The following PLCD3 variants were observed in gnomAD, a reference collection of about 807,000 sequenced individuals.
PLCD3 encodes the protein phospholipase C delta 3, also known as 1-phosphatidylinositol 4,5-bisphosphate phosphodiesterase delta-3.
PLCD3 carries 62 observed loss-of-function variants against 82.8 expected under a neutral mutation model. The observed-to-expected ratio is 0.75, with a 90% CI of 0.61 to 0.93. The LOEUF is 0.93. PLCD3 is among the 40% of genes least tolerant of loss of function. The pLI is 0.00. For missense variants in PLCD3, 1,023 were observed against 1,103.4 expected (o/e 0.93, Z 1.03); for synonymous variants, 478 against 471.8 (o/e 1.01, Z -0.17).
At chr17:45,128,342 G>C (rs1452795403) in intron 1 of PLCD3, among the ~76,000 whole-genome samples, 1 of 152,250 alleles carries the variant, frequency 6.6e-6, no homozygotes, top group Non-Finnish European at 1.5e-5. Flanking sequence ...GTAGGGGACA[G>C]GGAAAGATGT....
Position 45,112,865 on chromosome 17 carries a change from T to A in PLCD3, c.2279A>T (p.Gln760Leu). ...CATCCCCACCAGCCTCCACCAACCT[T>A]GCTTTAGGCTGCTAAGAGGCAGTGT... ...QFTLPLSSLK[Q>L]GYRHIHLLSK... The change falls in exon 14 of 15, where the codon CAA becomes CTA. Residue 760 changes from glutamine to leucine, a missense_variant and splice_region_variant. Physicochemically the swap from Gln to Leu is moderately radical, Grantham distance 113. Around this residue, in one of 3 missense-constraint regions of PLCD3, gnomAD observed 553 missense variants for 655.7 expected, o/e 0.84. Transcript: ENST00000619929. 1 of 1,612,130 alleles carries A rather than the reference T, an allele frequency of 6.2e-7. No individual in the cohort carries two copies. The highest frequency in any genetic ancestry group is 8.5e-7 in the Non-Finnish European group (1 of 1,179,150).
In PLCD3 at chr17:45,118,910, G is replaced by T. The variant is rs755595318; in HGVS notation, c.818C>A (p.Pro273His). ...YSGEDRVLSAPELLEFLEDQG... is the reference protein window; with the variant it reads ...YSGEDRVLSAHELLEFLEDQG... ...GTCCTCCAGGAACTCCAGCAGCTCA[G>T]GGGCACTCAGCACGCGGTCCTCGCC... Residue 273 changes from proline (P) to histidine (H), a missense_variant, in exon 5 of 15, where the codon CCT becomes CAT. Coordinates refer to ENST00000619929, the MANE Select transcript of PLCD3 (RefSeq NM_133373.5). The surrounding 1 kb of genome is among the most constrained non-coding windows in gnomAD (Gnocchi z 4.1). 2 of 1,612,718 alleles carry T rather than the reference G, an allele frequency of 1.2e-6. No individual in the cohort carries two copies. The highest frequency in any genetic ancestry group is 1.7e-5 in the Admixed American group (1 of 59,988).
At chr17:45,128,356 GGGGACCACAGGGCC>G (rs1392934614) in intron 1 of PLCD3, among the ~76,000 whole-genome samples, 2 of 152,202 alleles carry the variant, frequency 1.3e-5, no homozygotes, top group African/African-American at 4.8e-5. Context: ...AAGATGTGAG[GGGGACCACAGGGCC>G]TGGCAGAGCC....
chr17:45,116,707 G>A lies in PLCD3; in HGVS notation c.1338C>T (p.Leu446=), dbSNP rs1567878972. 51 of 1,611,612 alleles carry A rather than the reference G, an allele frequency of 3.2e-5. No homozygotes were observed. Among genetic ancestry groups the A allele is most frequent in the Non-Finnish European group, 4.1e-5 (48 of 1,178,650 alleles). ...LEQQAAMARH[L]CTILGDMLVT... ...CCAGCATGTCCCCCAGGATGGTGCA[G>A]AGGTGGCGGGCCATGGCAGCCTGCT... Residue 446 remains leucine (L), a synonymous_variant, in exon 8 of 15, where the codon CTC becomes CTT. Transcript: ENST00000619929.
chr17:45,115,316 T>TCCCCCCCCCCCCCCCCCCCCCCCCC, intron 9 of PLCD3, 28 bp downstream of exon 9: 1 of 1,474,956 alleles, frequency 6.8e-7, no homozygotes, highest in South Asian at 1.2e-5. Flanking sequence ...TTCCCCCCCT[T>TCCCCCCCCCCCCCCCCCCCCCCCCC]CCCCACCCCA....
intron 1 of PLCD3, among the ~76,000 whole-genome samples, chr17:45,130,793 C>G (rs1397384982): frequency 1.3e-5 from 2 of 152,108 alleles, no homozygotes; most frequent in East Asian, 3.9e-4. Context: ...AGATAAAGTC[C>G]ATGACTCTCC....
At chr17:45,113,064 C>T in intron 13 of PLCD3, 52 bp from the exon 14 acceptor site, 1 of 1,607,290 alleles carries the variant, frequency 6.2e-7, no homozygotes, top group African/African-American at 1.3e-5. Flanking sequence ...ACCCACCCTG[C>T]ACCACCCTTC....
intron 4 of PLCD3, among the ~76,000 whole-genome samples, chr17:45,119,482 C>T (rs984289382): frequency 2.0e-5 from 3 of 152,170 alleles, no homozygotes; most frequent in South Asian, 2.1e-4. Flanking sequence ...GCAATCCTCC[C>T]GCCTAGGCCT....
Position 45,115,173 on chromosome 17 carries a change from G to T in PLCD3, c.1632C>A (p.His544Gln), listed in dbSNP as rs760260268. 1.9e-6 allele frequency: 3 copies of T among 1,596,024 alleles called. No individual in the cohort carries two copies. The highest frequency in any genetic ancestry group is 2.6e-6 in the Non-Finnish European group (3 of 1,171,468). Residue 544 changes from histidine (H) to glutamine (Q), a missense_variant, in exon 10 of 15, where the codon CAC (histidine) becomes CAA (glutamine). Coordinates refer to ENST00000619929, the MANE Select transcript of PLCD3 (RefSeq NM_133373.5). ...YCHATRLRTL[H>Q]PAPNAPQPCQ... Reference sequence around the variant, plus strand: ...AGGGTTGTGGGGCGTTGGGGGCAGGGTGCAGGGTCCGCAGGCGGGTGGCGT... The same window carrying T: ...AGGGTTGTGGGGCGTTGGGGGCAGGTTGCAGGGTCCGCAGGCGGGTGGCGT...
intron 4 of PLCD3, 118 bp downstream of exon 4, chr17:45,120,207 C>T (rs1330643082): frequency 1.1e-5 from 15 of 1,384,012 alleles, no homozygotes; most frequent in Admixed American, 2.1e-5. Flanking sequence ...AAAGGCTGCT[C>T]GCTCCAAAAA....
At position 45,132,253 on chromosome 17, in the gene PLCD3, T is replaced by C; in HGVS notation, c.158A>G (p.Lys53Arg). The C allele has an allele frequency of 7.8e-7, 1 of 1,274,864 alleles. No homozygotes were observed. The highest frequency in any genetic ancestry group is 9.9e-7 in the Non-Finnish European group (1 of 1,009,830). 79.0% of individuals were successfully genotyped at this position (1,274,864 alleles called of 1,614,324 possible). The change falls in exon 1 of 15, where the codon AAG becomes AGG. Residue 53 changes from lysine (K) to arginine (R), a missense_variant. Lys to Arg is a conservative substitution (Grantham distance 26, BLOSUM62 2). Around this residue, in one of 3 missense-constraint regions of PLCD3, gnomAD observed 448 missense variants for 406.3 expected, o/e 1.10. Coordinates refer to ENST00000619929, the MANE Select transcript of PLCD3 (RefSeq NM_133373.5). This position sits in a 1 kb window ranked among gnomAD's most constrained non-coding sequence, Gnocchi z 4.6. ...GCCCCTTGCCCGTCACTGACCCATC[T>C]TCTTCAGCGCCCGCAGCCCGGGCCT... is the stretch of plus-strand genomic sequence containing the variant. ...TKRPGLRALK[K>R]MGLTEDEDVR...
chr17:45,122,014 G>A (rs2054345651), intron 1 of PLCD3, among the ~76,000 whole-genome samples: 1 of 151,458 alleles, frequency 6.6e-6, no homozygotes, highest in African/African-American at 2.4e-5. Context: ...ATGGCTTCCA[G>A]CCTTCAAGTC....
Position 45,111,143 on chromosome 17 carries a change from C to T in PLCD3, c.*1473G>A, listed in dbSNP as rs778092177. 6 of 152,236 alleles carry T rather than the reference C, an allele frequency of 3.9e-5. No homozygotes were observed. Among genetic ancestry groups the T allele is most frequent in the South Asian group, 2.1e-4 (1 of 4,836 alleles). 9.4% of individuals were successfully genotyped at this position (152,236 alleles called of 1,614,324 possible). A position where few individuals can be genotyped will look rare whatever the true frequency, so the allele number is the denominator to read the frequency against. ...GTGCAGGATTTTCTCCAGATTCTGT[C>T]GCCTAGTGTCCAGTGCGCTCTCCTG... On this transcript the variant is annotated 3_prime_UTR_variant, in exon 15 of 15. Coordinates refer to ENST00000619929, the MANE Select transcript of PLCD3 (RefSeq NM_133373.5).
At chr17:45,125,749 A>T (rs146754666) in intron 1 of PLCD3, among the ~76,000 whole-genome samples, 1 of 152,378 alleles carries the variant, frequency 6.6e-6, no homozygotes, top group African/African-American at 2.4e-5. Flanking sequence ...TGAAAACATC[A>T]TGCTAAGTGA....
In PLCD3 at chr17:45,115,417, G is replaced by C. The variant is rs202232138; in HGVS notation, c.1487C>G (p.Ser496Trp). 3.7e-6 allele frequency: 6 copies of C among 1,609,552 alleles called. No individual in the cohort carries two copies. Among genetic ancestry groups the C allele is most frequent in the Non-Finnish European group, 5.1e-6 (6 of 1,178,772 alleles). The change falls in exon 9 of 15, where the codon TCG becomes TGG. Residue 496 changes from serine (S) to tryptophan (W), a missense_variant. Physicochemically the swap from Ser to Trp is radical, Grantham distance 177 (BLOSUM62 -3). This residue lies in a region of PLCD3 where 553 missense variants were observed against 655.7 expected (regional missense o/e 0.84). Transcript: ENST00000619929. ...ATCCTCCTCCTCCTCCTCCCGATCC[G>C]ACAGAGCCCGGCCATCCTCGCTCCG... ...AARSEDGRAL[S>W]DREEEEEDDE...
Position 45,120,909 on chromosome 17 carries a change from G to A in PLCD3, c.547C>T (p.Leu183=), listed in dbSNP as rs2054331824. Residue 183 remains leucine (L), a synonymous_variant, in exon 3 of 15, where the codon CTA becomes TTA. Coordinates refer to ENST00000619929, the MANE Select transcript of PLCD3 (RefSeq NM_133373.5). The part of the protein sequence containing the change: ...RLDAMSQRER[L]DHWIHSYLHR... ...CCAGCCCCGGCAGGATATTGGTCTA[G>A]CCGCTCGCGCTGGCTCATGGCGTCC... is the stretch of plus-strand genomic sequence containing the variant. The A allele has an allele frequency of 7.0e-7, 1 of 1,436,982 alleles. No homozygotes were observed. The highest frequency in any genetic ancestry group is 9.1e-7 in the Non-Finnish European group (1 of 1,101,188). The allele number at this position is 1,436,982 out of a possible 1,614,324, so 89.0% of individuals were successfully genotyped here. A position where few individuals can be genotyped will look rare whatever the true frequency, so the allele number is the denominator to read the frequency against.
Position 45,113,616 on chromosome 17 carries a change from A to G in PLCD3, c.1829-11T>C, listed in dbSNP as rs2054267138. On this transcript the variant is annotated splice_polypyrimidine_tract_variant and intron_variant, in intron 11 of 14. Transcript: ENST00000619929. ...GGAAGTTCAAGGCCACTGTGGACACAGCAGGGTCAGAGCAGGGGCTCTTAG... is the reference window on the plus strand; with the variant it reads ...GGAAGTTCAAGGCCACTGTGGACACGGCAGGGTCAGAGCAGGGGCTCTTAG... 1 of 1,553,500 alleles carries G rather than the reference A, an allele frequency of 6.4e-7. No individual in the cohort carries two copies. Among genetic ancestry groups the G allele is most frequent in the African/African-American group, 1.4e-5 (1 of 73,128 alleles).
Position 45,132,483 on chromosome 17 carries a change from C to G in PLCD3, c.-73G>C, listed in dbSNP as rs996418591. On this transcript the variant is annotated 5_prime_UTR_variant, in exon 1 of 15. Coordinates refer to ENST00000619929, the MANE Select transcript of PLCD3 (RefSeq NM_133373.5). This position sits in a 1 kb window ranked among gnomAD's most constrained non-coding sequence, Gnocchi z 4.6. ...AGGGCAGCGGGGCGCCGCTCTGGCC[C>G]GGCCCCGGCTCTGAGCGAGGCGGCG... 1.6e-4 allele frequency: 153 copies of G among 971,720 alleles called. No homozygotes were observed. The highest frequency in any genetic ancestry group is 1.9e-4 in the Non-Finnish European group (147 of 778,976). 60.2% of individuals were successfully genotyped at this position (971,720 alleles called of 1,614,324 possible). A position where few individuals can be genotyped will look rare whatever the true frequency, so the allele number is the denominator to read the frequency against.
intron 1 of PLCD3, among the ~76,000 whole-genome samples, chr17:45,124,544 G>C (rs1490530986): frequency 6.6e-6 from 1 of 152,242 alleles, no homozygotes; most frequent in East Asian, 1.9e-4. Context: ...GGGGCAGTGA[G>C]AGGACTGGGG....
Sources: allele counts gnomAD v4.1 joint callset (sites outside exome capture counted in the v4.1 genomes callset), GRCh38; gene constraint gnomAD v4.1.1; regional missense constraint gnomAD v4.1.1; non-coding constraint Gnocchi (gnomAD v3.1); transcripts MANE v1.5; gene names NCBI Gene and HGNC (gene_info 2026-07-23, HGNC 2026-07-21).